The following REEP1 variants were observed in gnomAD, a reference collection of about 807,000 sequenced individuals.
REEP1 encodes the protein receptor accessory protein 1, also known as receptor expression-enhancing protein 1.
In REEP1, 22 loss-of-function variants were observed where a neutral mutation model predicts 40.3. The observed-to-expected ratio is 0.55, with a 90% confidence interval of 0.39 to 0.78. The LOEUF (loss-of-function observed/expected upper bound fraction) is 0.78. Ranked by LOEUF, REEP1 falls within the 30% of genes least tolerant of loss-of-function variation. The pLI, the probability that REEP1 is intolerant of heterozygous loss-of-function variation, is 0.00. For missense variants in REEP1, 280 were observed against 361.1 expected (o/e 0.78, Z 1.82); for synonymous variants, 116 against 139.2 (o/e 0.83, Z 1.17).
At chr2:86,290,081 C>T (rs186188664) in intron 1 of REEP1, among the ~76,000 whole-genome samples, 59 of 152,316 alleles carry the variant, frequency 3.9e-4, no homozygotes, top group African/African-American at 1.1e-3. Context: ...ACTGCAACCT[C>T]CATCTCCTGG....
rs141961457 is a variant in REEP1, at chr2:86,253,154, G to A, written c.304-1084C>T. Among the ~76,000 whole-genome samples the A allele has an allele frequency of 5.5e-3, 835 of 152,226 alleles. 4 individuals are homozygous for A. The highest frequency in any genetic ancestry group is 0.012 in the African/African-American group (502 of 41,546). On this transcript the variant is annotated intron_variant, in intron 4 of 8. Transcript: ENST00000538924. ...AAATGAGTCAGGCATGGTGGCACGT[G>A]CCTATAGTCCCAGCTACCTGGGAGG...
At chr2:86,222,992 T>C (rs1674505416) in intron 7 of REEP1, among the ~76,000 whole-genome samples, 1 of 152,138 alleles carries the variant, frequency 6.6e-6, no homozygotes, top group Non-Finnish European at 1.5e-5. Context: ...ATCCACATCT[T>C]AGTACTCTAA....
intron 5 of REEP1, 87 bp downstream of exon 5, chr2:86,251,870 G>T (rs772545344): frequency 1.1e-6 from 1 of 922,178 alleles, no homozygotes; most frequent in South Asian, 1.3e-5. Context: ...TTGGTCCTTA[G>T]CCTGTTCTGT....
chr2:86,256,671 A>C (rs1454656260), intron 3 of REEP1, among the ~76,000 whole-genome samples: 2 of 152,170 alleles, frequency 1.3e-5, no homozygotes, highest in Non-Finnish European at 2.9e-5. Flanking sequence ...GTGGCCCCCA[A>C]CATGGCTCTG....
At position 86,282,119 on chromosome 2, in the gene REEP1, CACCTG is replaced by C. The variant is rs1319372609; in HGVS notation, c.105+46_105+50del. ...GGCATCCCCTTCTCCCAACATTTCA[CACCTG>C]ACCTGACTCCAGCCAACCCGCTCGA... On this transcript the variant is annotated intron_variant, in intron 2 of 8. Transcript: ENST00000538924. 3.1e-6 allele frequency: 4 copies of C among 1,294,174 alleles called. No individual in the cohort carries two copies. The African/African-American group carries it at 4.4e-5, about 14-fold the overall frequency. 80.2% of individuals were successfully genotyped at this position (1,294,174 alleles called of 1,614,324 possible). A position where few individuals can be genotyped will look rare whatever the true frequency, so the allele number is the denominator to read the frequency against.
chr2:86,292,319 G>A (rs1241586189), intron 1 of REEP1, among the ~76,000 whole-genome samples: 1 of 152,176 alleles, frequency 6.6e-6, no homozygotes, highest in Non-Finnish European at 1.5e-5. Flanking sequence ...TACAGAAACA[G>A]TAACTGCAAA....
At chr2:86,228,489 A>C (rs1573998369) in intron 6 of REEP1, among the ~76,000 whole-genome samples, 7 of 141,270 alleles carry the variant, frequency 5.0e-5, no homozygotes, top group South Asian at 4.5e-4. Context: ...ACAGAGTTTC[A>C]CTCTTGTTGC....
intron 2 of REEP1, among the ~76,000 whole-genome samples, chr2:86,274,794 C>CT (rs1179391010): frequency 1.3e-5 from 2 of 152,110 alleles, no homozygotes; most frequent in African/African-American, 4.8e-5. Flanking sequence ...TCTCTCTAAA[C>CT]TGGTCAGGAG....
At chr2:86,281,727 G>A (rs1678105142) in intron 2 of REEP1, among the ~76,000 whole-genome samples, 1 of 152,242 alleles carries the variant, frequency 6.6e-6, no homozygotes, top group Non-Finnish European at 1.5e-5. Flanking sequence ...TGGAATGAAA[G>A]AAATGGAATG....
intron 5 of REEP1, among the ~76,000 whole-genome samples, chr2:86,240,916 C>G (rs1675633734): frequency 6.6e-6 from 1 of 152,220 alleles, no homozygotes; most frequent in Non-Finnish European, 1.5e-5. Flanking sequence ...CAAGAACAAG[C>G]ATTAACTGGT....
At chr2:86,220,630 C>T (rs10185778) in intron 7 of REEP1, among the ~76,000 whole-genome samples, 10,477 of 152,162 alleles carry the variant, frequency 0.069, 1,182 homozygotes, top group African/African-American at 0.24. Context: ...TTCCAAGCAT[C>T]CTGTAAGAGA....
At chr2:86,323,773 T>A (rs1573053182) in intron 1 of REEP1, among the ~76,000 whole-genome samples, 1 of 152,262 alleles carries the variant, frequency 6.6e-6, no homozygotes, top group Non-Finnish European at 1.5e-5. Flanking sequence ...TTTCATAAAG[T>A]TCTGGTACTA....
chr2:86,335,118 C>T (rs569949539), intron 1 of REEP1, among the ~76,000 whole-genome samples: 2 of 102,152 alleles, frequency 2.0e-5, no homozygotes, highest in South Asian at 3.1e-4. Flanking sequence ...AATATATGTA[C>T]ATATATGCAA....
At chr2:86,281,090 A>G (rs1204866358) in intron 2 of REEP1, among the ~76,000 whole-genome samples, 1 of 152,096 alleles carries the variant, frequency 6.6e-6, no homozygotes, top group Non-Finnish European at 1.5e-5. Flanking sequence ...TGATGCCAAA[A>G]TCCACACCTT....
intron 5 of REEP1, among the ~76,000 whole-genome samples, chr2:86,243,672 C>T (rs554537049): frequency 3.3e-5 from 5 of 152,278 alleles, no homozygotes; most frequent in African/African-American, 4.8e-5. Context: ...AACTTGGGTA[C>T]GAGTTGACTA....
intron 3 of REEP1, among the ~76,000 whole-genome samples, chr2:86,263,677 A>C (rs976955506): frequency 6.6e-6 from 1 of 152,120 alleles, no homozygotes; most frequent in Non-Finnish European, 1.5e-5. Flanking sequence ...TTAACGTACG[A>C]ATGCTTCTTT....
At chr2:86,257,208 G>GGGGAAAGGAAATGAATCCA (rs1208710945) in intron 3 of REEP1, among the ~76,000 whole-genome samples, 4 of 152,072 alleles carry the variant, frequency 2.6e-5, no homozygotes, top group Non-Finnish European at 2.9e-5. Flanking sequence ...CCAGCCCCAA[G>GGGGAAAGGAAATGAATCCA]GGGAAAGGAA....
chr2:86,302,719 G>A (rs1679305639), intron 1 of REEP1, among the ~76,000 whole-genome samples: 1 of 152,086 alleles, frequency 6.6e-6, no homozygotes, highest in East Asian at 1.9e-4. Flanking sequence ...AATGTTAAGT[G>A]GAAATGCAAG....
At chr2:86,280,675 T>C (rs1183838864) in intron 2 of REEP1, among the ~76,000 whole-genome samples, 3 of 152,088 alleles carry the variant, frequency 2.0e-5, no homozygotes, top group Non-Finnish European at 2.9e-5. Flanking sequence ...CCCTCACATA[T>C]ACCACAGACC....
Sources: gnomAD v4.1 joint callset for allele counts (sites outside exome capture counted in the v4.1 genomes callset) on GRCh38, gnomAD v4.1.1 for gene constraint, MANE v1.5 for transcripts, NCBI Gene and HGNC (gene_info 2026-07-23, HGNC 2026-07-21) for gene names.